Variants in MCFD2 observed in about 807,000 individuals in gnomAD.
MCFD2 encodes the protein multiple coagulation factor deficiency 2, ER cargo receptor complex subunit, also known as multiple coagulation factor deficiency protein 2.
A neutral mutation model predicts 12.8 loss-of-function variants in MCFD2; 11 were observed. The observed-to-expected ratio is 0.86, with a 90% CI of 0.54 to 1.42. MCFD2 has a LOEUF of 1.42. Ranked by LOEUF, MCFD2 falls within the 40% of genes most tolerant of loss-of-function variation. The pLI, the probability that MCFD2 is intolerant of heterozygous loss-of-function variation, is 0.00. For missense variants in MCFD2, 191 were observed against 178.6 expected (o/e 1.07, Z -0.40); for synonymous variants, 70 against 68.1 (o/e 1.03, Z -0.14).
intron 1 of MCFD2, among the ~76,000 whole-genome samples, chr2:46,921,177 G>T (rs151265033): frequency 3.3e-5 from 5 of 152,090 alleles, no homozygotes; most frequent in African/African-American, 4.8e-5. Flanking sequence ...GCTTTAAGCC[G>T]TTAGAGAACA....
chr2:46,934,479 GAA>G (rs1445101602), intron 1 of MCFD2, among the ~76,000 whole-genome samples: 6 of 152,024 alleles, frequency 3.9e-5, no homozygotes, highest in Non-Finnish European at 7.4e-5. Context: ...GGCTGGTCTT[GAA>G]CTGGCTGGTC....
Position 46,909,006 on chromosome 2 carries a change from C to A in MCFD2, c.149+17G>T, listed in dbSNP as rs1217977725. ...GATGGGGAGGCCACTGGACCACAGCCCGGGCTGAATACGTACTCTTGGTCG... is the reference window on the plus strand; with the variant it reads ...GATGGGGAGGCCACTGGACCACAGCACGGGCTGAATACGTACTCTTGGTCG... On this transcript the variant is annotated intron_variant, in intron 2 of 3. Transcript: ENST00000319466. The A allele has an allele frequency of 6.2e-7, 1 of 1,613,982 alleles. No individual in the cohort carries two copies. Among genetic ancestry groups the A allele is most frequent in the Non-Finnish European group, 8.5e-7 (1 of 1,179,992 alleles).
At chr2:46,916,036 A>AG (rs907400103), upstream of MCFD2, 21 of 985,270 alleles carry the variant, frequency 2.1e-5, no homozygotes, top group East Asian at 3.4e-4. Context: ...TGGACGCCCT[A>AG]GGGGCCCGGC....
chr2:46,929,014 T>A (rs531945788), intron 1 of MCFD2, among the ~76,000 whole-genome samples: 1 of 151,634 alleles, frequency 6.6e-6, no homozygotes, highest in Non-Finnish European at 1.5e-5. Context: ...AATACAAAAA[T>A]TAGCTGGGTG....
intron 1 of MCFD2, among the ~76,000 whole-genome samples, chr2:46,938,499 A>G (rs73926983): frequency 0.058 from 8,895 of 152,164 alleles, 315 homozygotes; most frequent in African/African-American, 0.093. Context: ...ACTTAATAGC[A>G]AGGGATTCAT....
chr2:46,916,137 C>T (rs1668777248), upstream of MCFD2: 3 of 985,420 alleles, frequency 3.0e-6, no homozygotes, highest in Non-Finnish European at 3.6e-6. Flanking sequence ...CCAAAGCTGG[C>T]TCCCAACTCC....
Position 46,915,774 on chromosome 2 carries a change from C to T in MCFD2, c.-58G>A. Reference sequence around the variant, plus strand: ...AGCCCTCCAACGTGAGCCTCACCAGCCCCCGTCCCCAAAACGCTCTTCCTC... The same window carrying T: ...AGCCCTCCAACGTGAGCCTCACCAGTCCCCGTCCCCAAAACGCTCTTCCTC... On this transcript the variant is annotated 5_prime_UTR_variant, in exon 1 of 4. Coordinates refer to ENST00000319466, the MANE Select transcript of MCFD2 (RefSeq NM_139279.6). 1.0e-6 allele frequency: 1 copy of T among 977,444 alleles called. No homozygotes were observed. The highest frequency in any genetic ancestry group is 1.2e-6 in the Non-Finnish European group (1 of 823,552). 60.5% of individuals were successfully genotyped at this position (977,444 alleles called of 1,614,324 possible). A position where few individuals can be genotyped will look rare whatever the true frequency, so the allele number is the denominator to read the frequency against.
At chr2:46,933,146 G>A (rs568534159) in intron 1 of MCFD2, among the ~76,000 whole-genome samples, 1 of 152,242 alleles carries the variant, frequency 6.6e-6, no homozygotes, top group East Asian at 1.9e-4. Context: ...CTCCTGCTCT[G>A]GAGAGGGGCC....
Position 46,941,705 on chromosome 2 carries a change from C to T in MCFD2, c.-141G>A, listed in dbSNP as rs201688234. The stretch of plus-strand genomic sequence containing the variant: ...AACAGGCGAGGCAGCCCGAGCGCAG[C>T]GTTCACCTTTCCGGACACCGGTGAG... On this transcript the variant is annotated 5_prime_UTR_variant, in exon 1 of 3. Coordinates refer to the MCFD2 transcript ENST00000409147. This position sits in a 1 kb window ranked among gnomAD's most constrained non-coding sequence, Gnocchi z 4.2. 5.8e-6 allele frequency: 9 copies of T among 1,550,690 alleles called. No individual in the cohort carries two copies. The South Asian group carries it at 8.3e-5, about 14-fold the overall frequency.
At chr2:46,927,355 A>ATTT (rs60808815) in intron 1 of MCFD2, among the ~76,000 whole-genome samples, 3 of 132,876 alleles carry the variant, frequency 2.3e-5, no homozygotes, top group Non-Finnish European at 3.2e-5. Context: ...AGAAAAAAAG[A>ATTT]TTTTTTTTTT....
At chr2:46,925,400 A>G (rs942126725) in intron 1 of MCFD2, among the ~76,000 whole-genome samples, 2 of 152,194 alleles carry the variant, frequency 1.3e-5, no homozygotes, top group African/African-American at 4.8e-5. Context: ...TCTACTAAAA[A>G]TACAAAAATT....
rs191356367 is a variant in MCFD2, at chr2:46,911,427, C to G, written c.-6-2250G>C. 8.9e-3 allele frequency among the ~76,000 whole-genome samples: 1,336 copies of G among 150,466 alleles called. 7 individuals are homozygous for G. Among genetic ancestry groups the G allele is most frequent in the Middle Eastern group, 0.021 (6 of 290 alleles). On this transcript the variant is annotated intron_variant, in intron 1 of 3. Coordinates refer to ENST00000319466, the MANE Select transcript of MCFD2 (RefSeq NM_139279.6). ...ACAGGCATGAGCCACCGTGCCCGGC[C>G]ACCTCAGACCTTTTATATCTGTAGT...
At chr2:46,914,791 G>GACAT in intron 1 of MCFD2, among the ~76,000 whole-genome samples, 1 of 152,314 alleles carries the variant, frequency 6.6e-6, no homozygotes, top group Middle Eastern at 3.4e-3. Flanking sequence ...CAGTGCCTCA[G>GACAT]ACATAGCGAA....
intron 1 of MCFD2, 28 bp downstream of exon 1, chr2:46,915,695 G>C (rs1049810864): frequency 1.1e-6 from 1 of 897,074 alleles, no homozygotes. Context: ...GATCCCGCCC[G>C]CTGCGGAGAG....
rs2103729505 is a variant in MCFD2 at position 46,904,396 on chromosome 2, A to G, written c.*1067T>C. 1 of 156,704 alleles carries G rather than the reference A, an allele frequency of 6.4e-6. No individual in the cohort carries two copies. Among genetic ancestry groups the G allele is most frequent in the African/African-American group, 2.4e-5 (1 of 41,654 alleles). 9.7% of individuals were successfully genotyped at this position (156,704 alleles called of 1,614,324 possible). On this transcript the variant is annotated 3_prime_UTR_variant, in exon 4 of 4. Transcript: ENST00000319466. Reference sequence around the variant, plus strand: ...AACAGCTTGCACCGTGCACCTGGAAAAGCCGCAGGCACTGAACAACAGCCG... The same window carrying G: ...AACAGCTTGCACCGTGCACCTGGAAGAGCCGCAGGCACTGAACAACAGCCG...
At chr2:46,935,105 C>G (rs370777030) in intron 1 of MCFD2, among the ~76,000 whole-genome samples, 64 of 152,058 alleles carry the variant, frequency 4.2e-4, no homozygotes, top group African/African-American at 1.5e-3. Flanking sequence ...AGCCCTAAGA[C>G]TACTGGTCTT....
chr2:46,941,836 A>G lies in MCFD2; in HGVS notation c.-272T>C. ...GCCGACAGCGGGCGCCTGCCAGCCC[A>G]CCGTGCTAGTCTTAAGAGCAGCCAG... On this transcript the variant is annotated 5_prime_UTR_variant, in exon 1 of 3. Transcript: ENST00000409147. This position sits in a 1 kb window ranked among gnomAD's most constrained non-coding sequence, Gnocchi z 4.2. 1.4e-6 allele frequency: 2 copies of G among 1,385,484 alleles called. No homozygotes were observed. Among genetic ancestry groups the G allele is most frequent in the African/African-American group, 1.4e-5 (1 of 69,608 alleles). The allele number at this position is 1,385,484 out of a possible 1,614,324, so 85.8% of individuals were successfully genotyped here.
rs1172903030 is a variant in MCFD2 at position 46,905,238 on chromosome 2, C to T, written c.*225G>A. The T allele has an allele frequency of 1.8e-6, 1 of 556,504 alleles. No individual in the cohort carries two copies. The highest frequency in any genetic ancestry group is 1.9e-5 in the African/African-American group (1 of 53,180). 34.5% of individuals were successfully genotyped at this position (556,504 alleles called of 1,614,324 possible). A position where few individuals can be genotyped will look rare whatever the true frequency, so the allele number is the denominator to read the frequency against. ...CTAATACAGATGCTTGAAGCAAGCC[C>T]TTGTCCAATAAGGTATTTAATAGCA... On this transcript the variant is annotated 3_prime_UTR_variant, in exon 4 of 4. Transcript: ENST00000319466.
upstream of MCFD2, among the ~76,000 whole-genome samples, chr2:46,917,767 CTT>C (rs746897753): frequency 4.6e-5 from 7 of 152,306 alleles, no homozygotes; most frequent in East Asian, 1.3e-3. Context: ...TCTTTGATCT[CTT>C]GTTTTTATTT....
Sources: allele counts gnomAD v4.1 joint callset (sites outside exome capture counted in the v4.1 genomes callset), GRCh38; gene constraint gnomAD v4.1.1; non-coding constraint Gnocchi (gnomAD v3.1); transcripts MANE v1.5; gene names NCBI Gene and HGNC (gene_info 2026-07-23, HGNC 2026-07-21).